The following LRRIQ1 variants were observed in gnomAD, a reference collection of about 807,000 sequenced individuals.
The protein encoded by LRRIQ1 is leucine rich repeats and IQ motif containing 1.
In LRRIQ1, 210 loss-of-function variants were observed where a neutral mutation model predicts 211.9. The observed-to-expected ratio is 0.99, with a 90% confidence interval of 0.89 to 1.11. The LOEUF (loss-of-function observed/expected upper bound fraction) is 1.11, where lower values mean the gene tolerates loss of function less well. Among genes scored for constraint, LRRIQ1 ranks in the 50% most tolerant of loss-of-function variants. The pLI is 0.00. For missense variants in LRRIQ1, 2,136 were observed against 1,939.5 expected, an observed-to-expected ratio of 1.10 and a Z score of -1.90; for synonymous variants, 699 against 650.1, an observed-to-expected ratio of 1.08 and a Z score of -1.14.
intron 18 of LRRIQ1, among the ~76,000 whole-genome samples, chr12:85,129,476 A>G (rs1017738723): frequency 6.6e-6 from 1 of 152,212 alleles, no homozygotes; most frequent in East Asian, 1.9e-4. Context: ...TATGTTAGCT[A>G]TGAGAAATAT....
chr12:85,242,062 T>C (rs1372285431), intron 26 of LRRIQ1, among the ~76,000 whole-genome samples: 2 of 151,998 alleles, frequency 1.3e-5, no homozygotes, highest in Non-Finnish European at 2.9e-5. Context: ...AGAGATCCGT[T>C]CCAAAAACAA....
chr12:85,124,431 A>G lies in LRRIQ1; in HGVS notation c.3919A>G (p.Ile1307Val), dbSNP rs372812401. The change falls in exon 17 of 27, where the codon ATT (isoleucine) becomes GTT (valine). Residue 1307 changes from isoleucine (I) to valine (V), a missense_variant. Physicochemically the swap from Ile to Val is conservative, Grantham distance 29. Coordinates refer to ENST00000393217, the MANE Select transcript of LRRIQ1 (RefSeq NM_001079910.2). The stretch of plus-strand genomic sequence containing the variant: ...GAGAGAAGACAGCAAGGCAAGCAGT[A>G]TTCCCACCATAAGAATCCCATTTAA... The part of the protein sequence containing the change: ...QKREDSKASS[I>V]PTIRIPFKEV... 13 of 1,613,906 alleles carry G rather than the reference A, an allele frequency of 8.1e-6. No individual in the cohort carries two copies. Among genetic ancestry groups the G allele is most frequent in the Non-Finnish European group, 1.1e-5 (13 of 1,180,028 alleles).
intron 24 of LRRIQ1, among the ~76,000 whole-genome samples, chr12:85,190,203 ATTATAATT>A (rs1005514330): frequency 2.1e-5 from 3 of 144,328 alleles, no homozygotes; most frequent in African/African-American, 2.5e-5. Flanking sequence ...ATATATTATA[ATTATAATT>A]TTATAATTTT....
chr12:85,196,247 C>T (rs946536251), intron 24 of LRRIQ1, among the ~76,000 whole-genome samples: 4 of 151,982 alleles, frequency 2.6e-5, no homozygotes, highest in Non-Finnish European at 5.9e-5. Flanking sequence ...AATGGCCATA[C>T]TGCCCAAGGT....
intron 8 of LRRIQ1, among the ~76,000 whole-genome samples, chr12:85,058,965 A>C (rs1881461001): frequency 2.0e-5 from 3 of 152,020 alleles, no homozygotes; most frequent in Admixed American, 2.0e-4. Flanking sequence ...ATAAAGATGA[A>C]AAATACATGT....
Position 85,088,652 on chromosome 12 carries a change from G to C in LRRIQ1, c.2888-9703G>C, listed in dbSNP as rs150857293. ...AGTGGTTTGTAGTTCGCCTTGAAGA[G>C]GTCCTTCACATCCCTTGTAAGTTGG... On this transcript the variant is annotated intron_variant, in intron 11 of 26. Transcript: ENST00000393217. 2.2e-4 allele frequency among the ~76,000 whole-genome samples: 33 copies of C among 152,196 alleles called. No homozygotes were observed. The East Asian group carries it at 3.1e-3, about 14-fold the overall frequency.
At chr12:85,113,331 A>G (rs1887320559) in intron 15 of LRRIQ1, among the ~76,000 whole-genome samples, 1 of 152,020 alleles carries the variant, frequency 6.6e-6, no homozygotes, top group African/African-American at 2.4e-5. Context: ...AATTGTGTAG[A>G]TTGCACTTAG....
At chr12:85,251,436 A>G (rs1244200251) in intron 1 of LRRIQ1, among the ~76,000 whole-genome samples, 4 of 151,976 alleles carry the variant, frequency 2.6e-5, no homozygotes, top group African/African-American at 9.7e-5. Flanking sequence ...AAAGATGATT[A>G]ATATGCCGAT....
intron 24 of LRRIQ1, among the ~76,000 whole-genome samples, chr12:85,173,778 C>A (rs188406852): frequency 3.2e-4 from 49 of 152,172 alleles, no homozygotes; most frequent in Admixed American, 5.9e-4. Flanking sequence ...TTAAAGACTG[C>A]ATTACAAATA....
Position 85,056,746 on chromosome 12 carries a change from G to A in LRRIQ1, c.1953G>A (p.Trp651Ter). 4 of 1,605,268 alleles carry A rather than the reference G, an allele frequency of 2.5e-6. No homozygotes were observed. Among genetic ancestry groups the A allele is most frequent in the Non-Finnish European group, 3.4e-6 (4 of 1,177,770 alleles). Reference protein sequence around the residue: ...EIEENPKDNAWNSGIVIFNTT... With the variant: ...EIEENPKDNA Reference sequence around the variant, plus strand: ...AGGAGAACCCAAAAGACAATGCTTGGAATAGTGGCATTGTGATTTTTAACA... The same window carrying A: ...AGGAGAACCCAAAAGACAATGCTTGAAATAGTGGCATTGTGATTTTTAACA... The change falls in exon 8 of 27, where the codon TGG becomes TGA. Residue 651 changes from tryptophan (W) to a stop codon, truncating the protein, a stop_gained. Transcript: ENST00000393217. LOFTEE classifies it high-confidence loss of function.
chr12:85,044,031 A>G (rs1257353447), intron 3 of LRRIQ1, among the ~76,000 whole-genome samples: 2 of 152,028 alleles, frequency 1.3e-5, no homozygotes, highest in Non-Finnish European at 2.9e-5. Context: ...TTTCTTTTTG[A>G]CCTCTCACAC....
chr12:85,236,726 A>G (rs901911728), intron 26 of LRRIQ1, among the ~76,000 whole-genome samples: 2 of 150,336 alleles, frequency 1.3e-5, no homozygotes, highest in African/African-American at 4.9e-5. Context: ...AAAGATACAT[A>G]TTTTTGGATA....
At chr12:85,141,424 C>T (rs201551500) in intron 19 of LRRIQ1, among the ~76,000 whole-genome samples, 7 of 151,090 alleles carry the variant, frequency 4.6e-5, no homozygotes, top group African/African-American at 9.7e-5. Context: ...CCTCATACTT[C>T]GGGGCTGTGT....
chr12:85,202,052 T>A (rs368809216), intron 24 of LRRIQ1, among the ~76,000 whole-genome samples: 2 of 152,310 alleles, frequency 1.3e-5, no homozygotes, highest in African/African-American at 4.8e-5. Flanking sequence ...TACCCAAAAG[T>A]CATTCAGGAG....
intron 3 of LRRIQ1, among the ~76,000 whole-genome samples, chr12:85,041,030 C>T (rs747218687): frequency 2.6e-5 from 4 of 151,456 alleles, no homozygotes; most frequent in African/African-American, 4.8e-5. Flanking sequence ...ATGGAAAGAT[C>T]GAAGATTTAA....
intron 5 of LRRIQ1, 43 bp downstream of exon 5, chr12:85,046,180 G>A: frequency 8.5e-7 from 1 of 1,172,166 alleles, no homozygotes; most frequent in Non-Finnish European, 1.2e-6. Flanking sequence ...ATTTTTATAT[G>A]ATTGATCATA....
intron 12 of LRRIQ1, 127 bp downstream of exon 12, chr12:85,098,675 T>C (rs1886108129): frequency 1.3e-6 from 1 of 796,228 alleles, no homozygotes; most frequent in Non-Finnish European, 1.9e-6. Flanking sequence ...AAGTAACCTT[T>C]ATCAAGAATA....
chr12:85,237,294 A>G (rs963781306), intron 26 of LRRIQ1, among the ~76,000 whole-genome samples: 1 of 152,134 alleles, frequency 6.6e-6, no homozygotes, highest in Non-Finnish European at 1.5e-5. Context: ...CAACTCAGGT[A>G]ACAGCTTGGA....
chr12:85,083,572 T>C (rs1010938493), intron 11 of LRRIQ1, among the ~76,000 whole-genome samples: 2 of 152,012 alleles, frequency 1.3e-5, no homozygotes, highest in African/African-American at 4.8e-5. Flanking sequence ...CCCGAGTAGC[T>C]GGGATTACAG....
Sources: allele counts gnomAD v4.1 joint callset (sites outside exome capture counted in the v4.1 genomes callset), GRCh38; gene constraint gnomAD v4.1.1; transcripts MANE v1.5; gene names NCBI Gene and HGNC (gene_info 2026-07-23, HGNC 2026-07-21).